Variants in RYR2 observed in about 807,000 individuals in gnomAD.
RYR2 encodes ryanodine receptor 2.
Under a neutral mutation model 601.1 loss-of-function variants are expected in RYR2, and 227 were observed. The observed-to-expected ratio is 0.38, with a 90% CI of 0.34 to 0.42. The LOEUF (loss-of-function observed/expected upper bound fraction) is 0.42, where lower values mean the gene tolerates loss of function less well. Ranked by LOEUF, RYR2 falls within the 10% of genes least tolerant of loss-of-function variation. The probability of loss-of-function intolerance (pLI) is 1.00; values close to 1 mark genes in which losing one functional copy is unlikely to be tolerated. For missense variants in RYR2, 4,646 were observed against 6,156.5 expected (o/e 0.75, Z 8.21); for synonymous variants, 2,223 against 2,175.1 (o/e 1.02, Z -0.61).
intron 1 of RYR2, among the ~76,000 whole-genome samples, chr1:237,068,350 T>TA (rs1663905563): frequency 6.6e-6 from 1 of 152,118 alleles, no homozygotes; most frequent in East Asian, 1.9e-4. Flanking sequence ...TCAGCAAAAA[T>TA]ATTAGTTTAA....
At chr1:237,829,154 TAC>T (rs1242879859) in intron 102 of RYR2, among the ~76,000 whole-genome samples, 1 of 152,226 alleles carries the variant, frequency 6.6e-6, no homozygotes, top group Non-Finnish European at 1.5e-5. Context: ...TTGAGAAATT[TAC>T]AGTTTAATAT....
Position 237,355,977 on chromosome 1 carries a change from GA to G in RYR2, c.291del (p.Lys97AsnfsTer5). 6.2e-7 allele frequency: 1 copy of G among 1,606,466 alleles called. No individual in the cohort carries two copies. The highest frequency in any genetic ancestry group is 1.3e-5 in the African/African-American group (1 of 74,924). ...VEKSEGQVDV[E>X]KWKFMMKTAQ... ...TTTCTTTCCACAGCAAGTTGATGTGGAAAAATGGGTATGTGTTTCCATGTAT... is the reference window on the plus strand; with the variant it reads ...TTTCTTTCCACAGCAAGTTGATGTGGAAAATGGGTATGTGTTTCCATGTAT... On this transcript the variant is annotated frameshift_variant, in exon 4 of 105. Transcript: ENST00000366574. LOFTEE classifies it high-confidence loss of function.
chr1:237,305,764 C>T (rs773848370), intron 2 of RYR2, among the ~76,000 whole-genome samples: 1 of 151,946 alleles, frequency 6.6e-6, no homozygotes, highest in Non-Finnish European at 1.5e-5. Flanking sequence ...TGTAGGTCTA[C>T]ATAAATTTGT....
At position 237,830,629 on chromosome 1, in the gene RYR2, TTG is replaced by T; in HGVS notation, c.14756+2_14756+3del. ...ACAGGAGCACAACTTGGCTAATTAC[TTG>T]TGAGTGTGCCCGTTTCAGAATCTTC... On this transcript the variant is annotated splice_donor_variant and coding_sequence_variant, in exon 103 of 105. Transcript: ENST00000366574. LOFTEE classifies it high-confidence loss of function. 1 of 1,554,802 alleles carries T rather than the reference TTG, an allele frequency of 6.4e-7. No individual in the cohort carries two copies. The highest frequency in any genetic ancestry group is 1.4e-5 in the African/African-American group (1 of 73,754).
chr1:237,667,849 T>A (rs1211804242), intron 57 of RYR2, 34 bp from the exon 58 acceptor site: 1 of 1,467,692 alleles, frequency 6.8e-7, no homozygotes, highest in African/African-American at 1.4e-5. Context: ...CCTTTTTTAC[T>A]TATTGAAACG....
chr1:237,550,712 T>A, intron 27 of RYR2, 21 bp downstream of exon 27: 1 of 1,536,912 alleles, frequency 6.5e-7, no homozygotes, highest in Non-Finnish European at 8.8e-7. Context: ...TTTACTTTCC[T>A]CTTCTTCGGT....
In RYR2 at chr1:237,660,009, G is replaced by A; in HGVS notation, c.8233G>A (p.Glu2745Lys). 1 of 1,587,056 alleles carries A rather than the reference G, an allele frequency of 6.3e-7. No individual in the cohort carries two copies. Among genetic ancestry groups the A allele is most frequent in the East Asian group, 2.3e-5 (1 of 43,136 alleles). ...GTTGGCAAATGGATGGATTTATGGA[G>A]AAATATATTCAGACTCTTCTAAGGT... ...DKLANGWIYGEIYSDSSKVQP... is the reference protein window; with the variant it reads ...DKLANGWIYGKIYSDSSKVQP... The change falls in exon 55 of 105, where the codon GAA (glutamate) becomes AAA (lysine). Residue 2745 changes from glutamate to lysine, a missense_variant. Glu to Lys is a moderately conservative substitution (Grantham distance 56). Transcript: ENST00000366574.
intron 91 of RYR2, among the ~76,000 whole-genome samples, 196 bp downstream of exon 91, chr1:237,786,232 C>T (rs919745160): frequency 6.6e-6 from 1 of 152,250 alleles, no homozygotes; most frequent in Non-Finnish European, 1.5e-5. Flanking sequence ...TAGACGCCCC[C>T]GGGGCTGCCA....
At chr1:237,314,343 C>T (rs1230471007) in intron 2 of RYR2, among the ~76,000 whole-genome samples, 1 of 152,094 alleles carries the variant, frequency 6.6e-6, no homozygotes. Context: ...GGATTACAGG[C>T]GTGAGCCACC....
At chr1:237,635,754 A>G (rs937826268) in intron 44 of RYR2, among the ~76,000 whole-genome samples, 1 of 152,226 alleles carries the variant, frequency 6.6e-6, no homozygotes, top group African/African-American at 2.4e-5. Context: ...CTCCTACATC[A>G]TCTGTTCCTA....
chr1:237,569,217 G>A lies in RYR2; in HGVS notation c.3496G>A (p.Val1166Ile), dbSNP rs886046266. 5 of 1,613,938 alleles carry A rather than the reference G, an allele frequency of 3.1e-6. No individual in the cohort carries two copies. The highest frequency in any genetic ancestry group is 4.2e-6 in the Non-Finnish European group (5 of 1,179,856). Residue 1166 changes from valine to isoleucine, a missense_variant, in exon 29 of 105, where the codon GTT becomes ATT. Transcript: ENST00000366574. ...WQAGDVVGCMVDMNEHTMMFT... is the reference protein window; with the variant it reads ...WQAGDVVGCMIDMNEHTMMFT... Reference sequence around the variant, plus strand: ...AGCAGGCGATGTCGTGGGGTGTATGGTTGACATGAACGAACACACCATGAT... The same window carrying A: ...AGCAGGCGATGTCGTGGGGTGTATGATTGACATGAACGAACACACCATGAT...
At chr1:237,740,776 C>A (rs906905574) in intron 79 of RYR2, among the ~76,000 whole-genome samples, 6 of 152,034 alleles carry the variant, frequency 3.9e-5, no homozygotes, top group Non-Finnish European at 8.8e-5. Context: ...TCTTTTTACT[C>A]CTATTTACTA....
intron 24 of RYR2, among the ~76,000 whole-genome samples, chr1:237,517,635 T>TA (rs35575473): frequency 0.045 from 6,361 of 142,816 alleles, 187 homozygotes; most frequent in Middle Eastern, 0.14. Context: ...GAACTATAAT[T>TA]AAAAAAAAAA....
intron 1 of RYR2, among the ~76,000 whole-genome samples, chr1:237,122,266 A>G (rs1242377275): frequency 1.3e-5 from 2 of 152,246 alleles, no homozygotes; most frequent in Non-Finnish European, 2.9e-5. Flanking sequence ...GCTGATTTGA[A>G]GTGAAAAGAG....
chr1:237,047,769 C>A (rs1421879001), intron 1 of RYR2, among the ~76,000 whole-genome samples: 1 of 152,112 alleles, frequency 6.6e-6, no homozygotes, highest in Non-Finnish European at 1.5e-5. Flanking sequence ...CATGCTTTTT[C>A]CAGGTGCTTT....
chr1:237,353,800 A>G (rs551975595), intron 3 of RYR2, among the ~76,000 whole-genome samples: 122 of 152,326 alleles, frequency 8.0e-4, no homozygotes, highest in African/African-American at 2.9e-3. Context: ...AAATCCACAT[A>G]TATTTTTAAA....
At chr1:237,818,060 G>A (rs560160420) in intron 100 of RYR2, among the ~76,000 whole-genome samples, 55 of 152,294 alleles carry the variant, frequency 3.6e-4, no homozygotes, top group Non-Finnish European at 3.8e-4. Context: ...TGGGGAGAGC[G>A]GAGAGAGCAG....
chr1:237,770,818 C>T lies in RYR2; in HGVS notation c.11488C>T (p.Leu3830=). The change falls in exon 85 of 105, where the codon CTG becomes TTG. Residue 3830 remains leucine, a synonymous_variant. Coordinates refer to ENST00000366574, the MANE Select transcript of RYR2 (RefSeq NM_001035.3). The part of the protein sequence containing the change: ...VTEEGSGEKV[L]QDDEFTCDLF... ...TGGATTTCCCACAGGAGAAAAGGTT[C>T]TGCAGGACGATGAGTTCACCTGTGA... 6.4e-7 allele frequency: 1 copy of T among 1,552,614 alleles called. No individual in the cohort carries two copies. Among genetic ancestry groups the T allele is most frequent in the Non-Finnish European group, 8.7e-7 (1 of 1,146,624 alleles).
At chr1:237,206,663 T>C (rs141475847) in intron 1 of RYR2, among the ~76,000 whole-genome samples, 194 of 152,348 alleles carry the variant, frequency 1.3e-3, no homozygotes, top group Non-Finnish European at 2.5e-3. Flanking sequence ...CATGTAGATA[T>C]GCTTTAATTT....
Sources: gnomAD v4.1 joint callset for allele counts (sites outside exome capture counted in the v4.1 genomes callset) on GRCh38, gnomAD v4.1.1 for gene constraint, MANE v1.5 for transcripts, NCBI Gene and HGNC (gene_info 2026-07-23, HGNC 2026-07-21) for gene names.